Variants in ABHD11 observed in about 807,000 individuals in gnomAD.
The protein encoded by ABHD11 is abhydrolase domain containing 11.
ABHD11 carries 26 observed loss-of-function variants against 29.0 expected under a neutral mutation model. The observed-to-expected ratio is 0.90, with a 90% CI of 0.66 to 1.24. ABHD11 has a LOEUF of 1.24. ABHD11 is among the 50% of genes most tolerant of loss of function. ABHD11 has a pLI of 0.00. For missense variants in ABHD11, 381 were observed against 422.4 expected, an observed-to-expected ratio of 0.90 and a Z score of 0.86; for synonymous variants, 169 against 166.4, an observed-to-expected ratio of 1.02 and a Z score of -0.12.
Position 73,736,972 on chromosome 7 carries a change from C to G in ABHD11, c.745G>C (p.Gly249Arg). The G allele has an allele frequency of 6.2e-7, 1 of 1,613,614 alleles. No individual in the cohort carries two copies. Among genetic ancestry groups the G allele is most frequent in the South Asian group, 1.1e-5 (1 of 91,046 alleles). Residue 249 changes from glycine (G) to arginine (R), a missense_variant, in exon 5 of 6, where the codon GGG (glycine) becomes CGG (arginine). Gly to Arg is a moderately radical substitution (Grantham distance 125, BLOSUM62 -2). Coordinates refer to ENST00000222800, the MANE Select transcript of ABHD11 (RefSeq NM_148912.4). ...AFPQRQESYL[G>R]PTLFLLGGNS... ...CCACCAAGGAGAAAGAGTGTTGGCC[C>G]GAGGTAGGACTCCTGCCTCTGTGGG... is the stretch of plus-strand genomic sequence containing the variant.
At chr7:73,738,132 C>T in intron 2 of ABHD11, 196 bp downstream of exon 2, 1 of 1,039,022 alleles carries the variant, frequency 9.6e-7, no homozygotes, top group Non-Finnish European at 1.5e-6. Flanking sequence ...TGGGCCAGCC[C>T]CGATGGAGAT....
Position 73,738,432 on chromosome 7 carries a change from C to G in ABHD11, c.157G>C (p.Gly53Arg). Residue 53 changes from glycine to arginine, a missense_variant, in exon 2 of 6, where the codon GGG becomes CGG. Transcript: ENST00000222800. ...PLPLSYRLLD[G>R]EAALPAVVFL... ...ACGACGGCCGGGAGGGCTGCCTCCC[C>G]GTCCAGAAGCCTGTAGGAAAGCGGA... is the stretch of plus-strand genomic sequence containing the variant. 1.2e-6 allele frequency: 2 copies of G among 1,610,746 alleles called. No homozygotes were observed. Among genetic ancestry groups the G allele is most frequent in the South Asian group, 1.1e-5 (1 of 90,564 alleles).
Position 73,738,390 on chromosome 7 carries a change from A to G in ABHD11, c.199T>C (p.Phe67Leu). ...GAGTTGAAGTTAGTTTTGCTGCCGA[A>G]GAGCCCGTGCAAAAAGACGACGGCC... ...LPAVVFLHGL[F>L]GSKTNFNSIA... Residue 67 changes from phenylalanine to leucine, a missense_variant, in exon 2 of 6, where the codon TTC becomes CTC. Phe to Leu is a conservative substitution (Grantham distance 22, BLOSUM62 0). Coordinates refer to ENST00000222800, the MANE Select transcript of ABHD11 (RefSeq NM_148912.4). 1 of 1,613,426 alleles carries G rather than the reference A, an allele frequency of 6.2e-7. No homozygotes were observed. Among genetic ancestry groups the G allele is most frequent in the African/African-American group, 1.3e-5 (1 of 75,064 alleles).
At position 73,737,237 on chromosome 7, in the gene ABHD11, A is replaced by G. The variant is rs782114038; in HGVS notation, c.590T>C (p.Leu197Pro). The change falls in exon 4 of 6, where the codon CTC becomes CCC. Residue 197 changes from leucine (L) to proline (P), a missense_variant. Transcript: ENST00000222800. ...GTGTATCACCTGGATGACAGAACTG[A>G]GCTGTTCATCCGCCAGTTTTCGGGC... ...SRARKLADEQ[L>P]SSVIQDMAVR... 2 of 1,614,062 alleles carry G rather than the reference A, an allele frequency of 1.2e-6. No homozygotes were observed. Among genetic ancestry groups the G allele is most frequent in the Non-Finnish European group, 8.5e-7 (1 of 1,180,018 alleles).
At chr7:73,737,147 C>T (rs373725417) in intron 4 of ABHD11, 37 bp from the exon 5 acceptor site, 144 of 1,613,258 alleles carry the variant, frequency 8.9e-5, no homozygotes, top group Non-Finnish European at 2.9e-5. Flanking sequence ...GTTCCTTGTG[C>T]GGTCTGGGGG....
chr7:73,738,076 G>A lies in ABHD11; in HGVS notation c.261+252C>T, dbSNP rs1323597729. 6.5e-6 allele frequency: 5 copies of A among 772,816 alleles called. No homozygotes were observed. The East Asian group carries it at 1.4e-4, about 21-fold the overall frequency. The allele number at this position is 772,816 out of a possible 1,614,324, so 47.9% of individuals were successfully genotyped here. ...GGTGGTGAGCTCCCGGTCATCCCTA[G>A]TGAACAAGCAGGCCCCTTCATGGAA... On this transcript the variant is annotated intron_variant, in intron 2 of 5. Coordinates refer to ENST00000222800, the MANE Select transcript of ABHD11 (RefSeq NM_148912.4).
chr7:73,736,708 C>T lies in ABHD11; in HGVS notation c.789-17G>A, dbSNP rs782560650. The T allele has an allele frequency of 1.1e-4, 170 of 1,612,722 alleles. 1 individual carries two copies. Among genetic ancestry groups the T allele is most frequent in the Non-Finnish European group, 9.8e-5 (116 of 1,179,858 alleles). On this transcript the variant is annotated splice_polypyrimidine_tract_variant and intron_variant, in intron 5 of 5. Coordinates refer to ENST00000222800, the MANE Select transcript of ABHD11 (RefSeq NM_148912.4). The stretch of plus-strand genomic sequence containing the variant: ...TGGCTGGGACTGTGCATCGCAGCGA[C>T]GGCCATCAAAAACGGGTGAAAGTGG...
At chr7:73,737,802 G>T (rs896555351) in intron 2 of ABHD11, 67 bp from the exon 3 acceptor site, 25 of 1,554,382 alleles carry the variant, frequency 1.6e-5, no homozygotes, top group Non-Finnish European at 2.2e-5. Context: ...CCAAAGGCTT[G>T]TAGGGACAGC....
In ABHD11 at chr7:73,738,654, G is replaced by C; in HGVS notation, c.117C>G (p.Ala39=). The change falls in exon 1 of 6, where the codon GCC becomes GCG. Residue 39 remains alanine, a synonymous_variant. Coordinates refer to ENST00000222800, the MANE Select transcript of ABHD11 (RefSeq NM_148912.4). ...PSSSSGGRGG[A]EPRPLPLSYR... ...CGGTGCCCTTGACTGACCTCGGCTC[G>C]GCGCCCCCTCGGCCGCCGCTGCTGC... 2 of 1,593,058 alleles carry C rather than the reference G, an allele frequency of 1.3e-6. No individual in the cohort carries two copies. The highest frequency in any genetic ancestry group is 8.5e-7 in the Non-Finnish European group (1 of 1,172,522).
In ABHD11 at chr7:73,738,652, T is replaced by A. The variant is rs1554622966; in HGVS notation, c.119A>T (p.Glu40Val). 5 of 1,594,102 alleles carry A rather than the reference T, an allele frequency of 3.1e-6. No individual in the cohort carries two copies. The highest frequency in any genetic ancestry group is 4.3e-6 in the Non-Finnish European group (5 of 1,172,842). The part of the protein sequence containing the change: ...SSSSGGRGGA[E>V]PRPLPLSYRL... The stretch of plus-strand genomic sequence containing the variant: ...CCCGGTGCCCTTGACTGACCTCGGC[T>A]CGGCGCCCCCTCGGCCGCCGCTGCT... The change falls in exon 1 of 6, where the codon GAG becomes GTG. Residue 40 changes from glutamate (E) to valine (V), a missense_variant. Coordinates refer to ENST00000222800, the MANE Select transcript of ABHD11 (RefSeq NM_148912.4).
At chr7:73,738,525 G>A (rs1800210349) in intron 1 of ABHD11, 62 bp from the exon 2 acceptor site, 3 of 1,576,274 alleles carry the variant, frequency 1.9e-6, no homozygotes, top group Non-Finnish European at 2.6e-6. Flanking sequence ...GGGGTAGGGG[G>A]AAAGAGCTTT....
chr7:73,738,217 G>A, intron 2 of ABHD11, 111 bp downstream of exon 2: 1 of 1,454,864 alleles, frequency 6.9e-7, no homozygotes, highest in South Asian at 1.2e-5. Flanking sequence ...TACTCAGAGT[G>A]AGGGATCTGG....
rs868914144 is a variant in ABHD11 at position 73,737,274 on chromosome 7, G to C, written c.553C>G (p.Pro185Ala). ...MRAINIADEL[P>A]RSRARKLADE... ...GCCAGTTTTCGGGCACGGGAGCGGG[G>C]CAGCTCATCTGCGATGTTGATGGCC... The change falls in exon 4 of 6, where the codon CCC becomes GCC. Residue 185 changes from proline (P) to alanine (A), a missense_variant. By Grantham distance (27) the Pro-to-Ala change is conservative. Coordinates refer to ENST00000222800, the MANE Select transcript of ABHD11 (RefSeq NM_148912.4). 1 of 1,613,996 alleles carries C rather than the reference G, an allele frequency of 6.2e-7. No homozygotes were observed. Among genetic ancestry groups the C allele is most frequent in the Non-Finnish European group, 8.5e-7 (1 of 1,180,050 alleles).
chr7:73,736,934 G>A lies in ABHD11; in HGVS notation c.783C>T (p.Phe261=), dbSNP rs782584536. The change falls in exon 5 of 6, where the codon TTC becomes TTT. Residue 261 remains phenylalanine (F), a synonymous_variant. Coordinates refer to ENST00000222800, the MANE Select transcript of ABHD11 (RefSeq NM_148912.4). ...TACTACCCAGGCTAGCTTACTGCAC[G>A]AACTGGGAGTTTCCACCAAGGAGAA... ...TLFLLGGNSQ[F]VHPSHHPEIM... 1.3e-5 allele frequency: 21 copies of A among 1,613,118 alleles called. No individual in the cohort carries two copies. The East Asian group carries it at 2.2e-4, about 17-fold the overall frequency.
In ABHD11 at chr7:73,738,792, T is replaced by C. The variant is rs1800275437; in HGVS notation, c.-22A>G. 3 of 1,591,600 alleles carry C rather than the reference T, an allele frequency of 1.9e-6. No homozygotes were observed. The highest frequency in any genetic ancestry group is 2.6e-6 in the Non-Finnish European group (3 of 1,168,136). Reference sequence around the variant, plus strand: ...GCATGCTTGCAAGCTGTTGGCCGGCTCGCATCTCACAAGGTACGTCCTCCC... The same window carrying C: ...GCATGCTTGCAAGCTGTTGGCCGGCCCGCATCTCACAAGGTACGTCCTCCC... On this transcript the variant is annotated 5_prime_UTR_variant, in exon 1 of 6. Coordinates refer to ENST00000222800, the MANE Select transcript of ABHD11 (RefSeq NM_148912.4).
chr7:73,737,640 G>C lies in ABHD11; in HGVS notation c.357C>G (p.Pro119=), dbSNP rs1800044589. ...IMSQDLQDLL[P]QLGLVPCVVV... ...CGACGCAGGGCACCAGGCCCAGCTGGGGCAGAAGGTCCTGCAGGTCCTGGC... is the reference window on the plus strand; with the variant it reads ...CGACGCAGGGCACCAGGCCCAGCTGCGGCAGAAGGTCCTGCAGGTCCTGGC... Residue 119 remains proline, a synonymous_variant, in exon 3 of 6, where the codon CCC becomes CCG. Coordinates refer to ENST00000222800, the MANE Select transcript of ABHD11 (RefSeq NM_148912.4). 3 of 1,613,998 alleles carry C rather than the reference G, an allele frequency of 1.9e-6. No homozygotes were observed. Among genetic ancestry groups the C allele is most frequent in the Admixed American group, 3.3e-5 (2 of 59,976 alleles).
intron 2 of ABHD11, 109 bp from the exon 3 acceptor site, chr7:73,737,844 C>T (rs781930496): frequency 5.7e-5 from 83 of 1,460,814 alleles, no homozygotes; most frequent in Admixed American, 4.4e-4. Flanking sequence ...TGGGGATACA[C>T]CCTGTGGAGG....
intron 1 of ABHD11, 41 bp downstream of exon 1, chr7:73,738,605 G>C: frequency 6.3e-7 from 1 of 1,575,748 alleles, no homozygotes; most frequent in Non-Finnish European, 8.6e-7. Flanking sequence ...GCAGGAAAAG[G>C]AGGACAGAGG....
rs1006889276 is a variant in ABHD11, at chr7:73,736,837, C to G, written c.788+92G>C. 31 of 1,571,478 alleles carry G rather than the reference C, an allele frequency of 2.0e-5. No individual in the cohort carries two copies. In the East Asian group the frequency reaches 5.2e-4, roughly 26 times the overall value. The stretch of plus-strand genomic sequence containing the variant: ...GGTATTTCTGGCCTCTCAGCCACCC[C>G]CCTTCCACACCCAAGGCCTCCCCTG... On this transcript the variant is annotated intron_variant, in intron 5 of 5. Transcript: ENST00000222800.
Sources: gnomAD v4.1 joint callset for allele counts on GRCh38, gnomAD v4.1.1 for gene constraint, MANE v1.5 for transcripts, NCBI Gene and HGNC (gene_info 2026-07-23, HGNC 2026-07-21) for gene names.